The following IRS1 variants were observed in gnomAD, a reference collection of about 807,000 sequenced individuals.
IRS1 encodes insulin receptor substrate 1.
A neutral mutation model predicts 65.6 loss-of-function variants in IRS1; 34 were observed. The observed-to-expected ratio is 0.52, with a 90% CI of 0.39 to 0.69. The LOEUF (loss-of-function observed/expected upper bound fraction) is 0.69. Ranked by LOEUF, IRS1 falls within the 30% of genes least tolerant of loss-of-function variation. The pLI is 0.00. For missense variants in IRS1, 1,641 were observed against 1,720.2 expected (o/e 0.95, Z 0.81); for synonymous variants, 699 against 683.5 (o/e 1.02, Z -0.35).
Position 226,795,419 on chromosome 2 carries a change from G to T in IRS1, c.3320C>A (p.Thr1107Lys), listed in dbSNP as rs1292359245. 1 of 1,613,446 alleles carries T rather than the reference G, an allele frequency of 6.2e-7. No individual in the cohort carries two copies. The highest frequency in any genetic ancestry group is 1.3e-5 in the African/African-American group (1 of 74,942). The change falls in exon 1 of 2, where the codon ACA becomes AAA. Residue 1107 changes from threonine to lysine, a missense_variant. By Grantham distance (78) the Thr-to-Lys change is moderately conservative. This residue lies in a region of IRS1 where 1,324 missense variants were observed against 1,361.0 expected (regional missense o/e 0.97). Coordinates refer to ENST00000305123, the MANE Select transcript of IRS1 (RefSeq NM_005544.3). ...GTTGCCCACCCGGGTGGCACTGGGTGTTGAGGAGAAAGTCTCGGAGCTATG... is the reference window on the plus strand; with the variant it reads ...GTTGCCCACCCGGGTGGCACTGGGTTTTGAGGAGAAAGTCTCGGAGCTATG... ...RRHSSETFSSTPSATRVGNTV... is the reference protein window; with the variant it reads ...RRHSSETFSSKPSATRVGNTV...
chr2:226,764,548 A>C (rs1171466017), intron 1 of IRS1, among the ~76,000 whole-genome samples: 1 of 152,184 alleles, frequency 6.6e-6, no homozygotes, highest in African/African-American at 2.4e-5. Context: ...GTTTCAAAAA[A>C]AGAAAATCTA....
intron 1 of IRS1, among the ~76,000 whole-genome samples, chr2:226,770,946 G>A (rs1004966061): frequency 6.6e-6 from 1 of 152,140 alleles, no homozygotes; most frequent in Admixed American, 6.5e-5. Flanking sequence ...GATCTCTTGA[G>A]CACAAGAGTT....
intron 1 of IRS1, among the ~76,000 whole-genome samples, chr2:226,767,853 C>A (rs1288713602): frequency 6.6e-6 from 1 of 152,120 alleles, no homozygotes; most frequent in Non-Finnish European, 1.5e-5. Flanking sequence ...AGGAGTAACA[C>A]GTCACACAGA....
rs1323346318 is a variant in IRS1, at chr2:226,799,028, C to T, written c.-290G>A. ...CCCGATCCTCCGAGAGCCAAGTCTC[C>T]TCTCAGCCGCCGCCGCCACCAGGAA... On this transcript the variant is annotated 5_prime_UTR_variant, in exon 1 of 2. Coordinates refer to ENST00000305123, the MANE Select transcript of IRS1 (RefSeq NM_005544.3). The surrounding 1 kb of genome is among the most constrained non-coding windows in gnomAD (Gnocchi z 6.1). The T allele has an allele frequency of 2.4e-5, 33 of 1,387,954 alleles. No homozygotes were observed. Among genetic ancestry groups the T allele is most frequent in the Middle Eastern group, 2.7e-4 (1 of 3,674 alleles). 86.0% of individuals were successfully genotyped at this position (1,387,954 alleles called of 1,614,324 possible). A position where few individuals can be genotyped will look rare whatever the true frequency, so the allele number is the denominator to read the frequency against.
intron 1 of IRS1, among the ~76,000 whole-genome samples, chr2:226,762,480 G>A (rs1461533463): frequency 6.6e-6 from 1 of 152,090 alleles, no homozygotes. Context: ...AGCCAGTGAA[G>A]CATTGGCAAA....
intron 1 of IRS1, among the ~76,000 whole-genome samples, chr2:226,787,711 AGATCTTCT>A (rs200484878): frequency 0.013 from 1,921 of 152,276 alleles, 24 homozygotes; most frequent in Non-Finnish European, 0.018. Flanking sequence ...AGACAATTAA[AGATCTTCT>A]GATCTTCTGA....
chr2:226,794,204 A>G lies in IRS1; in HGVS notation c.*21+785T>C, dbSNP rs896476387. Among the ~76,000 whole-genome samples the G allele has an allele frequency of 6.6e-6, 1 of 152,232 alleles. No homozygotes were observed. The highest frequency in any genetic ancestry group is 1.5e-5 in the Non-Finnish European group (1 of 68,034). ...GGCAGACATCCTAGGATGAACTCCC[A>G]TAACTCTTAATAATGGGTCCCAGAC... On this transcript the variant is annotated intron_variant, in intron 1 of 1. Coordinates refer to ENST00000305123, the MANE Select transcript of IRS1 (RefSeq NM_005544.3). The surrounding 1 kb of genome is among the most constrained non-coding windows in gnomAD (Gnocchi z 4.1).
rs973800624 is a variant in IRS1, at chr2:226,732,633, CATAT to C, written c.*3635_*3638del. 1 of 150,678 alleles carries C rather than the reference CATAT, an allele frequency of 6.6e-6. No homozygotes were observed. Among genetic ancestry groups the C allele is most frequent in the East Asian group, 1.9e-4 (1 of 5,164 alleles). The allele number at this position is 150,678 out of a possible 1,614,324, so 9.3% of individuals were successfully genotyped here. A position where few individuals can be genotyped will look rare whatever the true frequency, so the allele number is the denominator to read the frequency against. On this transcript the variant is annotated 3_prime_UTR_variant, in exon 2 of 2. Coordinates refer to ENST00000305123, the MANE Select transcript of IRS1 (RefSeq NM_005544.3). Reference sequence around the variant, plus strand: ...ACACACACATCCCACACACACGTCACATATATATACACACACACAAAGACACACA... The same window carrying C: ...ACACACACATCCCACACACACGTCACATATACACACACACAAAGACACACA...
intron 1 of IRS1, among the ~76,000 whole-genome samples, chr2:226,751,274 ATTTTTTTTT>A (rs35699614): frequency 1.3e-5 from 1 of 77,550 alleles, no homozygotes; most frequent in African/African-American, 5.2e-5. Flanking sequence ...CCACACGGGT[ATTTTTTTTT>A]TTTTTTTTTT....
chr2:226,757,003 A>AAATG (rs1449530197), intron 1 of IRS1, among the ~76,000 whole-genome samples: 1 of 150,174 alleles, frequency 6.7e-6, no homozygotes, highest in Non-Finnish European at 1.5e-5. Flanking sequence ...ATAAATAAAT[A>AAATG]AAATACAATG....
intron 1 of IRS1, among the ~76,000 whole-genome samples, chr2:226,788,369 A>G (rs1269461929): frequency 1.3e-5 from 2 of 152,176 alleles, no homozygotes; most frequent in African/African-American, 2.4e-5. Flanking sequence ...GCCATTATCA[A>G]TGGAAAATAC....
At chr2:226,755,079 G>A (rs1272854325) in intron 1 of IRS1, among the ~76,000 whole-genome samples, 1 of 152,204 alleles carries the variant, frequency 6.6e-6, no homozygotes, top group East Asian at 1.9e-4. Flanking sequence ...CTGCCACACT[G>A]CATGACCTGG....
intron 1 of IRS1, among the ~76,000 whole-genome samples, chr2:226,751,575 G>A (rs372225284): frequency 2.0e-5 from 3 of 152,000 alleles, no homozygotes; most frequent in African/African-American, 4.8e-5. Context: ...GAGCCACCGC[G>A]CCCGGCCGGG....
chr2:226,747,406 T>C (rs1182662544), intron 1 of IRS1, among the ~76,000 whole-genome samples: 1 of 152,014 alleles, frequency 6.6e-6, no homozygotes, highest in Non-Finnish European at 1.5e-5. Flanking sequence ...TGATGAAACA[T>C]GAGAGCTTGC....
intron 1 of IRS1, among the ~76,000 whole-genome samples, chr2:226,777,794 C>T (rs1342389375): frequency 6.6e-6 from 1 of 152,152 alleles, no homozygotes; most frequent in Non-Finnish European, 1.5e-5. Context: ...TGTGAGGCCT[C>T]CCCAGCCAGG....
chr2:226,794,895 G>T lies in IRS1; in HGVS notation c.*21+94C>A. ...AGTGCATTCTCCCTGAGGAAGCAGTGGGAAAGAACAGGAAGGGGCAGAGGC... is the reference window on the plus strand; with the variant it reads ...AGTGCATTCTCCCTGAGGAAGCAGTTGGAAAGAACAGGAAGGGGCAGAGGC... On this transcript the variant is annotated intron_variant, in intron 1 of 1. Transcript: ENST00000305123. The surrounding 1 kb of genome is among the most constrained non-coding windows in gnomAD (Gnocchi z 4.1). 1 of 1,100,012 alleles carries T rather than the reference G, an allele frequency of 9.1e-7. No individual in the cohort carries two copies. Among genetic ancestry groups the T allele is most frequent in the Non-Finnish European group, 1.4e-6 (1 of 723,154 alleles). 68.1% of individuals were successfully genotyped at this position (1,100,012 alleles called of 1,614,324 possible). A position where few individuals can be genotyped will look rare whatever the true frequency, so the allele number is the denominator to read the frequency against.
rs13402124 is a variant in IRS1, at chr2:226,737,420, C to T, written c.*22-1170G>A. Among the ~76,000 whole-genome samples the T allele has an allele frequency of 8.4e-3, 1,280 of 152,212 alleles. 26 individuals are homozygous for T. The highest frequency in any genetic ancestry group is 0.029 in the African/African-American group (1,223 of 41,518). On this transcript the variant is annotated intron_variant, in intron 1 of 1. Coordinates refer to ENST00000305123, the MANE Select transcript of IRS1 (RefSeq NM_005544.3). ...AAGTATTACACTACCTAGTCTTTTACAGGTCCTTGTTTTTCATGCATTCAA... is the reference window on the plus strand; with the variant it reads ...AAGTATTACACTACCTAGTCTTTTATAGGTCCTTGTTTTTCATGCATTCAA...
intron 1 of IRS1, among the ~76,000 whole-genome samples, chr2:226,741,820 CACACACAT>C (rs1234515406): frequency 3.4e-5 from 5 of 148,052 alleles, no homozygotes; most frequent in African/African-American, 1.3e-4. Context: ...CACACACACA[CACACACAT>C]AACACACACA....
intron 1 of IRS1, among the ~76,000 whole-genome samples, chr2:226,755,017 C>A (rs1332339296): frequency 6.6e-6 from 1 of 152,262 alleles, no homozygotes; most frequent in East Asian, 1.9e-4. Context: ...AAAGGTAAAG[C>A]GTGAGGCCTG....
Sources: allele counts gnomAD v4.1 joint callset (sites outside exome capture counted in the v4.1 genomes callset), GRCh38; gene constraint gnomAD v4.1.1; regional missense constraint gnomAD v4.1.1; non-coding constraint Gnocchi (gnomAD v3.1); transcripts MANE v1.5; gene names NCBI Gene and HGNC (gene_info 2026-07-23, HGNC 2026-07-21).